The following GLDC variants were observed in gnomAD, a reference collection of about 807,000 sequenced individuals.
GLDC encodes the protein glycine decarboxylase, also known as glycine dehydrogenase (decarboxylating), mitochondrial.
GLDC carries 104 observed loss-of-function variants against 121.3 expected under a neutral mutation model. That is an observed-to-expected ratio of 0.86 (90% CI 0.73 to 1.01). The LOEUF (loss-of-function observed/expected upper bound fraction) is 1.01, where lower values mean the gene tolerates loss of function less well. GLDC is among the 50% of genes least tolerant of loss of function. GLDC has a pLI of 0.00. For synonymous variants in GLDC, 546 were observed against 480.6 expected (o/e 1.14, Z -1.78); for missense variants, 1,429 against 1,306.6 (o/e 1.09, Z -1.44).
At chr9:6,564,727 C>T (rs1440114717) in intron 16 of GLDC, among the ~76,000 whole-genome samples, 1 of 152,226 alleles carries the variant, frequency 6.6e-6, no homozygotes, top group Non-Finnish European at 1.5e-5. Context: ...AGGCACTGCC[C>T]CTGGGGGGAG....
intron 21 of GLDC, among the ~76,000 whole-genome samples, chr9:6,542,990 G>A (rs914036119): frequency 6.6e-6 from 1 of 151,370 alleles, no homozygotes; most frequent in African/African-American, 2.4e-5. Context: ...TGTTCAAGGG[G>A]AAAATCATTA....
intron 15 of GLDC, among the ~76,000 whole-genome samples, chr9:6,572,529 A>C (rs1817987277): frequency 6.6e-6 from 1 of 152,190 alleles, no homozygotes; most frequent in African/African-American, 2.4e-5. Flanking sequence ...GAAAGCAAAA[A>C]GGATTAGACA....
intron 11 of GLDC, among the ~76,000 whole-genome samples, chr9:6,590,410 G>A (rs927746532): frequency 6.6e-6 from 1 of 152,166 alleles, no homozygotes. Context: ...GATCCCCAGT[G>A]TTGAAGATGG....
chr9:6,615,223 T>C (rs1818944388), intron 3 of GLDC, among the ~76,000 whole-genome samples: 1 of 152,204 alleles, frequency 6.6e-6, no homozygotes, highest in Admixed American at 6.5e-5. Flanking sequence ...CTGTAAGTTA[T>C]TTTGAATTCA....
chr9:6,556,223 C>T lies in GLDC; in HGVS notation c.2132G>A (p.Ser711Asn), dbSNP rs1475338150. 6.2e-7 allele frequency: 1 copy of T among 1,612,352 alleles called. No individual in the cohort carries two copies. The highest frequency in any genetic ancestry group is 8.5e-7 in the Non-Finnish European group (1 of 1,178,476). Reference sequence around the variant, plus strand: ...TTGATGGATGAGGTCACACACGTCACTGATGTTCTCTTCAAACACCCCATT... The same window carrying T: ...TTGATGGATGAGGTCACACACGTCATTGATGTTCTCTTCAAACACCCCATT... ...STNGVFEENI[S>N]DVCDLIHQHG... Residue 711 changes from serine to asparagine, a missense_variant, in exon 18 of 25, where the codon AGT (serine) becomes AAT (asparagine). Physicochemically the swap from Ser to Asn is conservative, Grantham distance 46. Coordinates refer to ENST00000321612, the MANE Select transcript of GLDC (RefSeq NM_000170.3).
Position 6,595,107 on chromosome 9 carries a change from T to G in GLDC, c.1168A>C (p.Asn390His), listed in dbSNP as rs1167275737. Residue 390 changes from asparagine to histidine, a missense_variant, in exon 9 of 25, where the codon AAT becomes CAT. Coordinates refer to ENST00000321612, the MANE Select transcript of GLDC (RefSeq NM_000170.3). The stretch of plus-strand genomic sequence containing the variant: ...TAGATTGCAAACATGGCAGCCATAT[T>G]CGCCAAGAGGGCCTAAAAGATAAGA... ...NICTAQALLANMAAMFAIYHG... is the reference protein window; with the variant it reads ...NICTAQALLAHMAAMFAIYHG... 6.2e-7 allele frequency: 1 copy of G among 1,609,438 alleles called. No individual in the cohort carries two copies. The highest frequency in any genetic ancestry group is 1.1e-5 in the South Asian group (1 of 90,964).
At chr9:6,568,278 T>C (rs970922707) in intron 15 of GLDC, among the ~76,000 whole-genome samples, 4 of 152,214 alleles carry the variant, frequency 2.6e-5, no homozygotes, top group African/African-American at 9.7e-5. Context: ...TATTCAAATG[T>C]GACACAAGGA....
At position 6,533,146 on chromosome 9, in the gene GLDC, T is replaced by C. The variant is rs1817036850; in HGVS notation, c.2934A>G (p.Pro978=). 6.2e-7 allele frequency: 1 copy of C among 1,613,766 alleles called. No homozygotes were observed. The change falls in exon 25 of 25, where the codon CCA becomes CCG. Residue 978 remains proline, a synonymous_variant. Coordinates refer to ENST00000321612, the MANE Select transcript of GLDC (RefSeq NM_000170.3). Reference sequence around the variant, plus strand: ...CAATCGTTGGCCAGAATTTGTTCTCTGGTTTCACGAAGGGCTGCAAAGGAC... The same window carrying C: ...CAATCGTTGGCCAGAATTTGTTCTCCGGTTTCACGAAGGGCTGCAAAGGAC... The part of the protein sequence containing the change: ...VAAFPLPFVK[P]ENKFWPTIAR...
intron 7 of GLDC, 146 bp from the exon 8 acceptor site, chr9:6,602,351 C>T (rs1232249700): frequency 6.0e-6 from 4 of 671,886 alleles, no homozygotes; most frequent in Non-Finnish European, 1.1e-5. Flanking sequence ...AATTTCTAAA[C>T]GTTCCTCATC....
chr9:6,639,668 A>AAATTATATATATATATATAT, intron 2 of GLDC: 3 of 250,562 alleles, frequency 1.2e-5, no homozygotes, highest in African/African-American at 1.0e-4. Flanking sequence ...ATAAAAAAAA[A>AAATTATATATATATATATAT]GTATATATAT....
chr9:6,616,375 T>G (rs1818967180), intron 3 of GLDC, among the ~76,000 whole-genome samples: 2 of 152,242 alleles, frequency 1.3e-5, no homozygotes, highest in South Asian at 4.1e-4. Context: ...TAGAGACCTT[T>G]AAAATTGTTG....
intron 16 of GLDC, among the ~76,000 whole-genome samples, chr9:6,564,871 G>C (rs1401200631): frequency 6.6e-6 from 1 of 152,210 alleles, no homozygotes; most frequent in Admixed American, 6.5e-5. Context: ...GCCTTTTTTG[G>C]TGCTTGAAGT....
In GLDC at chr9:6,599,515, G is replaced by A. The variant is rs546708248; in HGVS notation, c.1155+2594C>T. Among the ~76,000 whole-genome samples, 278 of 152,140 alleles carry A rather than the reference G, an allele frequency of 1.8e-3. 1 individual carries two copies. Among genetic ancestry groups the A allele is most frequent in the African/African-American group, 6.3e-3 (261 of 41,474 alleles). On this transcript the variant is annotated intron_variant, in intron 8 of 24. Coordinates refer to ENST00000321612, the MANE Select transcript of GLDC (RefSeq NM_000170.3). ...AGGTGGGCAGATCATGAGATCAGGA[G>A]TTCGAGACCAGCCTGACCAACATGG...
intron 17 of GLDC, 133 bp from the exon 18 acceptor site, chr9:6,556,435 G>C (rs1817632695): frequency 1.4e-6 from 1 of 725,366 alleles, no homozygotes; most frequent in Admixed American, 2.2e-5. Context: ...CTGTCTCAAA[G>C]TACAATGACA....
intron 3 of GLDC, among the ~76,000 whole-genome samples, chr9:6,619,036 G>A (rs1006929109): frequency 4.6e-5 from 7 of 151,448 alleles, no homozygotes; most frequent in Admixed American, 2.0e-4. Flanking sequence ...CCAGCTACTC[G>A]GGAGGCTGAG....
intron 16 of GLDC, among the ~76,000 whole-genome samples, chr9:6,565,058 T>C (rs1394190129): frequency 5.3e-5 from 8 of 152,208 alleles, no homozygotes; most frequent in African/African-American, 1.9e-4. Context: ...ATGGCAACAT[T>C]CCTGCCCTCT....
At chr9:6,616,521 C>CT (rs1818969531) in intron 3 of GLDC, among the ~76,000 whole-genome samples, 5 of 152,104 alleles carry the variant, frequency 3.3e-5, no homozygotes, top group African/African-American at 1.2e-4. Context: ...GGACAGTGAG[C>CT]CTTGGATCTG....
chr9:6,560,519 T>C (rs536725298), intron 16 of GLDC, among the ~76,000 whole-genome samples: 2 of 152,246 alleles, frequency 1.3e-5, no homozygotes, highest in Non-Finnish European at 2.9e-5. Context: ...CTTTAATTTC[T>C]GAGGACCCAA....
chr9:6,613,283 T>C (rs905252448), intron 3 of GLDC, among the ~76,000 whole-genome samples: 2 of 152,160 alleles, frequency 1.3e-5, no homozygotes, highest in Non-Finnish European at 2.9e-5. Context: ...CAGTTAACAT[T>C]CAGGTGCATT....
Sources: gnomAD v4.1 joint callset for allele counts (sites outside exome capture counted in the v4.1 genomes callset) on GRCh38, gnomAD v4.1.1 for gene constraint, MANE v1.5 for transcripts, NCBI Gene and HGNC (gene_info 2026-07-23, HGNC 2026-07-21) for gene names.